Variants in TBC1D4 observed in about 807,000 individuals in gnomAD.
TBC1D4 encodes the protein TBC1 domain family member 4.
In TBC1D4, 121 loss-of-function variants were observed where a neutral mutation model predicts 142.5. That is an observed-to-expected ratio of 0.85 (90% confidence interval 0.73 to 0.99). The LOEUF is 0.99. TBC1D4 is among the 50% of genes least tolerant of loss of function. The probability of loss-of-function intolerance (pLI) is 0.00; values close to 1 mark genes in which losing one functional copy is unlikely to be tolerated. For synonymous variants in TBC1D4, 630 were observed against 628.2 expected, an observed-to-expected ratio of 1.00 and a Z score of -0.04; for missense variants, 1,475 against 1,606.6, an observed-to-expected ratio of 0.92 and a Z score of 1.40.
At chr13:75,420,635 A>C (rs1886124415) in intron 1 of TBC1D4, among the ~76,000 whole-genome samples, 2 of 152,196 alleles carry the variant, frequency 1.3e-5, no homozygotes, top group Non-Finnish European at 2.9e-5. Flanking sequence ...ATCTCTAGTA[A>C]AGCTTTCTGG....
intron 1 of TBC1D4, among the ~76,000 whole-genome samples, chr13:75,423,501 G>A (rs1886250780): frequency 6.6e-6 from 1 of 152,138 alleles, no homozygotes; most frequent in Non-Finnish European, 1.5e-5. Flanking sequence ...AAAACTGGGG[G>A]AGAGGGAGTA....
intron 1 of TBC1D4, among the ~76,000 whole-genome samples, chr13:75,381,635 G>C (rs1172719934): frequency 6.6e-6 from 1 of 152,130 alleles, no homozygotes; most frequent in African/African-American, 2.4e-5. Context: ...AAAGTTATTG[G>C]CATCCCCAAG....
intron 1 of TBC1D4, among the ~76,000 whole-genome samples, chr13:75,365,296 G>T (rs1477747673): frequency 2.6e-5 from 4 of 151,322 alleles, no homozygotes; most frequent in African/African-American, 9.7e-5. Flanking sequence ...GACATGGGTT[G>T]CAGAGACTCT....
chr13:75,380,367 G>A (rs1326181609), intron 1 of TBC1D4, among the ~76,000 whole-genome samples: 1 of 151,788 alleles, frequency 6.6e-6, no homozygotes, highest in Non-Finnish European at 1.5e-5. Flanking sequence ...CAGCTACTCG[G>A]GAGGCTAAGG....
At chr13:75,464,787 CA>C in intron 1 of TBC1D4, among the ~76,000 whole-genome samples, 1 of 152,284 alleles carries the variant, frequency 6.6e-6, no homozygotes, top group East Asian at 1.9e-4. Flanking sequence ...GATTCCTGGG[CA>C]AATCTTTCCT....
rs1182416475 is a variant in TBC1D4, at chr13:75,292,230, C to T, written c.3358G>A (p.Ala1120Thr). ...TCTTGGCTGCTCAGTAGGCTGAGTG[C>T]AACCTTGAATATAACTTCAGTTCCC... The part of the protein sequence containing the change: ...LQGTEVIFKV[A>T]LSLLSSQETL... Residue 1120 changes from alanine to threonine, a missense_variant, in exon 19 of 21, where the codon GCA (alanine) becomes ACA (threonine). By Grantham distance (58) the Ala-to-Thr change is moderately conservative. Transcript: ENST00000377636. 1 of 1,613,004 alleles carries T rather than the reference C, an allele frequency of 6.2e-7. No individual in the cohort carries two copies. The highest frequency in any genetic ancestry group is 8.5e-7 in the Non-Finnish European group (1 of 1,179,528).
intron 4 of TBC1D4, among the ~76,000 whole-genome samples, chr13:75,355,185 G>A (rs1881941234): frequency 6.6e-6 from 1 of 152,204 alleles, no homozygotes; most frequent in Non-Finnish European, 1.5e-5. Context: ...AAGGGCACAA[G>A]GGCAATGCTG....
At chr13:75,377,651 T>C (rs1473400308) in intron 1 of TBC1D4, among the ~76,000 whole-genome samples, 1 of 149,032 alleles carries the variant, frequency 6.7e-6, no homozygotes, top group Non-Finnish European at 1.5e-5. Flanking sequence ...CAAAAATATA[T>C]ATTATATATA....
At chr13:75,327,963 T>C (rs1240323352) in intron 8 of TBC1D4, 137 bp from the exon 9 acceptor site, 3 of 826,052 alleles carry the variant, frequency 3.6e-6, no homozygotes, top group East Asian at 5.3e-5. Context: ...TTGTTGGCTT[T>C]ATTAATAGTC....
intron 1 of TBC1D4, among the ~76,000 whole-genome samples, chr13:75,423,914 T>C (rs1035200494): frequency 1.3e-5 from 2 of 152,304 alleles, no homozygotes; most frequent in African/African-American, 4.8e-5. Context: ...AATGGAAACA[T>C]ACTTCACACT....
chr13:75,343,808 T>A (rs1315324394), intron 5 of TBC1D4, among the ~76,000 whole-genome samples: 3 of 149,078 alleles, frequency 2.0e-5, no homozygotes, highest in Non-Finnish European at 4.5e-5. Context: ...CACCGTGCCC[T>A]GTTTTGTGTT....
chr13:75,344,626 A>G (rs1460303969), intron 5 of TBC1D4, among the ~76,000 whole-genome samples: 2 of 152,262 alleles, frequency 1.3e-5, no homozygotes, highest in East Asian at 3.9e-4. Context: ...GTCCTTGGGA[A>G]ACAGCATTCC....
intron 1 of TBC1D4, among the ~76,000 whole-genome samples, chr13:75,425,567 A>C (rs1210214469): frequency 6.6e-6 from 1 of 152,234 alleles, no homozygotes; most frequent in East Asian, 1.9e-4. Context: ...AAATCAATGT[A>C]AGTGTCCACC....
intron 5 of TBC1D4, among the ~76,000 whole-genome samples, chr13:75,343,907 C>T (rs1880933540): frequency 6.6e-6 from 1 of 152,148 alleles, no homozygotes; most frequent in Admixed American, 6.5e-5. Context: ...ATGGCGTGAT[C>T]TCAGCTCACT....
intron 1 of TBC1D4, among the ~76,000 whole-genome samples, chr13:75,384,779 A>G (rs1468311185): frequency 1.3e-5 from 2 of 152,176 alleles, no homozygotes; most frequent in African/African-American, 2.4e-5. Flanking sequence ...AAATAAACAA[A>G]CAAAAATCAT....
chr13:75,419,467 G>A (rs1393527811), intron 1 of TBC1D4, among the ~76,000 whole-genome samples: 3 of 151,976 alleles, frequency 2.0e-5, no homozygotes, highest in African/African-American at 7.3e-5. Context: ...AAATATAGAA[G>A]GCAAATATGT....
intron 5 of TBC1D4, 114 bp downstream of exon 5, chr13:75,349,055 CT>C: frequency 6.6e-7 from 1 of 1,520,228 alleles, no homozygotes; most frequent in Non-Finnish European, 9.0e-7. Flanking sequence ...AGAAATGATT[CT>C]TTGGGTTCTT....
At chr13:75,473,788 A>C (rs1888514044) in intron 1 of TBC1D4, among the ~76,000 whole-genome samples, 1 of 152,212 alleles carries the variant, frequency 6.6e-6, no homozygotes, top group South Asian at 2.1e-4. Flanking sequence ...AAACCAACCA[A>C]AGTTTTAATC....
chr13:75,360,165 A>G (rs1882388408), intron 2 of TBC1D4, among the ~76,000 whole-genome samples: 1 of 152,196 alleles, frequency 6.6e-6, no homozygotes, highest in Non-Finnish European at 1.5e-5. Flanking sequence ...TCCTCACTTC[A>G]TGATTTCTAA....
Sources: gnomAD v4.1 joint callset for allele counts (sites outside exome capture counted in the v4.1 genomes callset) on GRCh38, gnomAD v4.1.1 for gene constraint, MANE v1.5 for transcripts, NCBI Gene and HGNC (gene_info 2026-07-23, HGNC 2026-07-21) for gene names.